SASS6: variants seen among roughly 807,000 people sequenced by gnomAD.
SASS6 encodes the protein spindle assembly abnormal protein 6 homolog.
In SASS6, 59 loss-of-function variants were observed where a neutral mutation model predicts 94.9. The ratio of observed to expected loss-of-function variants is 0.62; its 90% confidence interval spans 0.50 to 0.77. SASS6 has a LOEUF of 0.77. Ranked by LOEUF, SASS6 falls within the 30% of genes least tolerant of loss-of-function variation. The pLI is 0.00. For missense variants in SASS6, 698 were observed against 734.1 expected, an observed-to-expected ratio of 0.95 and a Z score of 0.57; for synonymous variants, 264 against 270.0, an observed-to-expected ratio of 0.98 and a Z score of 0.22.
At chr1:100,123,416 C>G (rs1438652202) in intron 2 of SASS6, 127 bp from the exon 3 acceptor site, 9 of 516,686 alleles carry the variant, frequency 1.7e-5, no homozygotes, top group Non-Finnish European at 2.4e-5. Context: ...GCTTTGTTTT[C>G]TAGTGCTGCT....
At chr1:100,115,480 A>G (rs1263600185) in intron 7 of SASS6, among the ~76,000 whole-genome samples, 2 of 152,238 alleles carry the variant, frequency 1.3e-5, no homozygotes, top group African/African-American at 2.4e-5. Context: ...AAATGAGATC[A>G]GTTCTTAACA....
intron 14 of SASS6, 39 bp downstream of exon 14, chr1:100,102,916 A>C (rs374375213): frequency 2.0e-6 from 3 of 1,533,914 alleles, no homozygotes; most frequent in African/African-American, 1.4e-5. Flanking sequence ...ATAGGTTGCT[A>C]TATTTTTTCC....
In SASS6 at chr1:100,125,905, C is replaced by G; in HGVS notation, c.103G>C (p.Val35Leu). ...SIRMSIELQS[V>L]SNPVHRKDLV... The stretch of plus-strand genomic sequence containing the variant: ...ACCTTTCTGTGAACTGGATTAGAAA[C>G]TGATTGTAGTTCAATGCTCATTCTT... The change falls in exon 2 of 17, where the codon GTT becomes CTT. Residue 35 changes from valine (V) to leucine (L), a missense_variant. Val to Leu is a conservative substitution (Grantham distance 32, BLOSUM62 1). Coordinates refer to ENST00000287482, the MANE Select transcript of SASS6 (RefSeq NM_194292.3). 2 of 1,559,268 alleles carry G rather than the reference C, an allele frequency of 1.3e-6. No homozygotes were observed. Among genetic ancestry groups the G allele is most frequent in the Non-Finnish European group, 1.8e-6 (2 of 1,141,272 alleles).
intron 14 of SASS6, among the ~76,000 whole-genome samples, chr1:100,092,926 G>A (rs1205161179): frequency 6.6e-6 from 1 of 151,968 alleles, no homozygotes; most frequent in Non-Finnish European, 1.5e-5. Context: ...ATTATAGATT[G>A]TCTGATAATG....
At chr1:100,101,187 A>G (rs1652472820) in intron 14 of SASS6, among the ~76,000 whole-genome samples, 1 of 152,154 alleles carries the variant, frequency 6.6e-6, no homozygotes, top group African/African-American at 2.4e-5. Context: ...AGGTTGATAG[A>G]GGCAGGTTTT....
At chr1:100,118,048 A>C (rs1653921835) in intron 7 of SASS6, among the ~76,000 whole-genome samples, 2 of 152,104 alleles carry the variant, frequency 1.3e-5, no homozygotes, top group Non-Finnish European at 2.9e-5. Flanking sequence ...GGCAGGGCAC[A>C]GTGGCTCATG....
At chr1:100,101,005 T>C (rs1652441476) in intron 14 of SASS6, among the ~76,000 whole-genome samples, 1 of 152,118 alleles carries the variant, frequency 6.6e-6, no homozygotes, top group Non-Finnish European at 1.5e-5. Context: ...ATTAATAATA[T>C]AACATTTACA....
chr1:100,120,049 T>A (rs1468108805), intron 6 of SASS6, among the ~76,000 whole-genome samples: 4 of 152,176 alleles, frequency 2.6e-5, no homozygotes, highest in Admixed American at 2.6e-4. Flanking sequence ...GGGAAAGGTT[T>A]AGAGCATAGG....
At chr1:100,122,117 A>G (rs979961488) in intron 4 of SASS6, among the ~76,000 whole-genome samples, 3 of 152,336 alleles carry the variant, frequency 2.0e-5, no homozygotes, top group South Asian at 2.1e-4. Flanking sequence ...CCTTTTTCCA[A>G]TATCATTATA....
intron 1 of SASS6, among the ~76,000 whole-genome samples, chr1:100,130,997 A>G (rs1319916217): frequency 6.6e-6 from 1 of 152,208 alleles, no homozygotes; most frequent in East Asian, 1.9e-4. Context: ...AAGGTTTCTA[A>G]GCAGAGAAAT....
intron 14 of SASS6, among the ~76,000 whole-genome samples, chr1:100,097,307 C>G (rs913773049): frequency 2.6e-5 from 4 of 152,162 alleles, no homozygotes; most frequent in Admixed American, 6.5e-5. Context: ...CATTCCATTC[C>G]TGGGTACTCA....
At chr1:100,113,948 C>A (rs2101674256) in intron 7 of SASS6, among the ~76,000 whole-genome samples, 1 of 151,932 alleles carries the variant, frequency 6.6e-6, no homozygotes, top group South Asian at 2.1e-4. Flanking sequence ...ATTGCCTAAA[C>A]CTAGGAGTCT....
intron 3 of SASS6, 65 bp from the exon 4 acceptor site, chr1:100,122,549 CTTTTT>C (rs71075469): frequency 5.3e-4 from 118 of 223,912 alleles, no homozygotes; most frequent in East Asian, 1.1e-3. Flanking sequence ...GTTTTGGTGC[CTTTTT>C]TTTTTTTTTT....
intron 1 of SASS6, among the ~76,000 whole-genome samples, chr1:100,127,475 T>G (rs1654704086): frequency 1.7e-5 from 1 of 60,330 alleles, no homozygotes; most frequent in African/African-American, 3.1e-5. Context: ...GTTAAGTTTC[T>G]TGTTGAACAT....
Position 100,132,887 on chromosome 1 carries a change from C to T in SASS6, c.-73G>A, listed in dbSNP as rs76504879. ...GCCCTCGGGATTAGCCTGAGAGGTCCGGGTCCTGATAAAGTTTGAGTTTGG... is the reference window on the plus strand; with the variant it reads ...GCCCTCGGGATTAGCCTGAGAGGTCTGGGTCCTGATAAAGTTTGAGTTTGG... On this transcript the variant is annotated 5_prime_UTR_variant, in exon 1 of 17. Transcript: ENST00000287482. 5.6e-4 allele frequency: 784 copies of T among 1,391,924 alleles called. 3 individuals carry two copies. In the African/African-American group the frequency reaches 9.4e-3, roughly 17 times the overall value. The allele number at this position is 1,391,924 out of a possible 1,614,324, so 86.2% of individuals were successfully genotyped here. A position where few individuals can be genotyped will look rare whatever the true frequency, so the allele number is the denominator to read the frequency against.
chr1:100,127,444 G>A (rs1654696288), intron 1 of SASS6, among the ~76,000 whole-genome samples: 1 of 148,366 alleles, frequency 6.7e-6, no homozygotes, highest in South Asian at 2.2e-4. Flanking sequence ...ATTTTATATG[G>A]GTTTAAAATG....
chr1:100,094,612 T>G (rs1242949429), intron 14 of SASS6, among the ~76,000 whole-genome samples: 1 of 152,106 alleles, frequency 6.6e-6, no homozygotes, highest in African/African-American at 2.4e-5. Context: ...CCCAGCACTT[T>G]GGGAGGCCGA....
At chr1:100,104,059 G>A (rs376242385) in intron 13 of SASS6, among the ~76,000 whole-genome samples, 5 of 152,284 alleles carry the variant, frequency 3.3e-5, no homozygotes, top group African/African-American at 1.2e-4. Context: ...GCTTTGCTGT[G>A]GATTGGAAGC....
intron 14 of SASS6, among the ~76,000 whole-genome samples, chr1:100,098,000 A>T (rs950032044): frequency 1.4e-4 from 22 of 152,194 alleles, no homozygotes; most frequent in African/African-American, 5.3e-4. Flanking sequence ...GGGTAATGTA[A>T]ATGTTCTAAT....
Sources: allele counts gnomAD v4.1 joint callset (sites outside exome capture counted in the v4.1 genomes callset), GRCh38; gene constraint gnomAD v4.1.1; transcripts MANE v1.5; gene names NCBI Gene and HGNC (gene_info 2026-07-23, HGNC 2026-07-21).